SLC22A16: variants seen among roughly 807,000 people sequenced by gnomAD.
The protein encoded by SLC22A16 is solute carrier family 22 member 16.
SLC22A16 carries 53 observed loss-of-function variants against 52.9 expected under a neutral mutation model. That is an observed-to-expected ratio of 1.00 (90% confidence interval 0.80 to 1.26). The LOEUF is 1.26. SLC22A16 is among the 50% of genes most tolerant of loss of function. SLC22A16 has a pLI of 0.00. For synonymous variants in SLC22A16, 291 were observed against 268.8 expected, an observed-to-expected ratio of 1.08 and a Z score of -0.81; for missense variants, 726 against 704.0, an observed-to-expected ratio of 1.03 and a Z score of -0.35.
At chr6:110,433,049 C>T (rs538401799) in intron 6 of SLC22A16, among the ~76,000 whole-genome samples, 25 of 152,232 alleles carry the variant, frequency 1.6e-4, no homozygotes, top group Admixed American at 3.3e-4. Context: ...AGTTCCACAA[C>T]CTGTAAAATG....
At chr6:110,429,358 ACT>A (rs1272333759) in intron 7 of SLC22A16, among the ~76,000 whole-genome samples, 1 of 152,070 alleles carries the variant, frequency 6.6e-6, no homozygotes, top group African/African-American at 2.4e-5. Context: ...CATGGGAGAC[ACT>A]CATGCCAAGC....
At chr6:110,432,634 TG>T (rs1421053735) in intron 6 of SLC22A16, among the ~76,000 whole-genome samples, 1 of 152,222 alleles carries the variant, frequency 6.6e-6, no homozygotes, top group African/African-American at 2.4e-5. Context: ...GCTTCTTCCC[TG>T]GGTCAGCCAC....
At position 110,425,009 on chromosome 6, in the gene SLC22A16, G is replaced by T. The variant is rs768034959; in HGVS notation, c.1598C>A (p.Ala533Glu). Residue 533 changes from alanine (A) to glutamate (E), a missense_variant, in exon 8 of 8, where the codon GCA becomes GAA. Coordinates refer to ENST00000368919, the MANE Select transcript of SLC22A16 (RefSeq NM_033125.4). Reference sequence around the variant, plus strand: ...TTTTGCAGCCTCCTCCCAAGTAGTTGCTAGCCGTTTCCCAAGGGTTTCTGG... The same window carrying T: ...TTTTGCAGCCTCCTCCCAAGTAGTTTCTAGCCGTTTCCCAAGGGTTTCTGG... ...KLPETLGKRL[A>E]TTWEEAAKLE... is the part of the protein sequence containing the mutation. 4 of 1,614,164 alleles carry T rather than the reference G, an allele frequency of 2.5e-6. No homozygotes were observed. The highest frequency in any genetic ancestry group is 1.6e-4 in the Middle Eastern group (1 of 6,062).
chr6:110,454,762 TTATATATATA>T (rs1192372356), intron 2 of SLC22A16, among the ~76,000 whole-genome samples: 1 of 66,010 alleles, frequency 1.5e-5, no homozygotes, highest in Non-Finnish European at 2.5e-5. Flanking sequence ...TTATATACAT[TTATATATATA>T]AATATATATA....
In SLC22A16 at chr6:110,466,101, C is replaced by T. The variant is rs12332822; in HGVS notation, c.54-9084G>A. 8.2e-3 allele frequency among the ~76,000 whole-genome samples: 1,244 copies of T among 152,220 alleles called. 16 individuals are homozygous for T. The highest frequency in any genetic ancestry group is 0.028 in the African/African-American group (1,181 of 41,546). On this transcript the variant is annotated intron_variant, in intron 1 of 7. Coordinates refer to ENST00000368919, the MANE Select transcript of SLC22A16 (RefSeq NM_033125.4). Reference sequence around the variant, plus strand: ...GCTTGCTATATGCAGAAGAATGAAACTGGATCCCTATCTCTCACCATATAC... The same window carrying T: ...GCTTGCTATATGCAGAAGAATGAAATTGGATCCCTATCTCTCACCATATAC...
At chr6:110,475,901 C>T (rs1310214750) in intron 1 of SLC22A16, 1 of 456,644 alleles carries the variant, frequency 2.2e-6, no homozygotes, top group South Asian at 1.5e-5. Context: ...TTGACCCCGC[C>T]AGCTTGTTTC....
At chr6:110,460,454 G>A (rs1333491815) in intron 1 of SLC22A16, among the ~76,000 whole-genome samples, 1 of 152,184 alleles carries the variant, frequency 6.6e-6, no homozygotes, top group Non-Finnish European at 1.5e-5. Flanking sequence ...CCCCTGGGGA[G>A]CCTGGAGTCT....
At chr6:110,474,078 A>C (rs1776373888) in intron 1 of SLC22A16, among the ~76,000 whole-genome samples, 1 of 152,112 alleles carries the variant, frequency 6.6e-6, no homozygotes, top group South Asian at 2.1e-4. Context: ...CGTGAACCCC[A>C]TTGTGAACTG....
intron 7 of SLC22A16, among the ~76,000 whole-genome samples, chr6:110,426,776 C>G (rs1261849535): frequency 6.6e-6 from 1 of 151,460 alleles, no homozygotes; most frequent in Admixed American, 6.6e-5. Flanking sequence ...CATGGTGAAA[C>G]TCTGTCTCTA....
intron 7 of SLC22A16, among the ~76,000 whole-genome samples, chr6:110,430,127 C>T (rs993244627): frequency 9.2e-5 from 14 of 151,772 alleles, no homozygotes; most frequent in African/African-American, 3.1e-4. Flanking sequence ...GGGGATGAAG[C>T]GCAAGGAGAA....
rs923097121 is a variant in SLC22A16, at chr6:110,435,866, A to T, written c.1407T>A (p.Tyr469Ter). Residue 469 changes from tyrosine (Y) to a stop codon, truncating the protein, a stop_gained, in exon 6 of 8, where the codon TAT becomes TAA. Transcript: ENST00000368919. LOFTEE classifies it high-confidence loss of function. ...TTCATCCTTACCTTACAATGGTTGG[A>T]TACAGCTCAGCTGTATAAAGATAAA... The part of the protein sequence containing the change: ...GLIYLYTAEL[Y>*]PTIVRSLAVG... The T allele has an allele frequency of 1.2e-6, 2 of 1,609,454 alleles. No homozygotes were observed. Among genetic ancestry groups the T allele is most frequent in the East Asian group, 4.5e-5 (2 of 44,832 alleles).
At chr6:110,438,303 T>A (rs1774815193) in intron 5 of SLC22A16, among the ~76,000 whole-genome samples, 1 of 152,160 alleles carries the variant, frequency 6.6e-6, no homozygotes, top group South Asian at 2.1e-4. Context: ...TCTCTGGGAA[T>A]TAGGATTATG....
At position 110,456,614 on chromosome 6, in the gene SLC22A16, G is replaced by A; in HGVS notation, c.457C>T (p.Leu153Phe). 1 of 1,614,156 alleles carries A rather than the reference G, an allele frequency of 6.2e-7. No homozygotes were observed. Among genetic ancestry groups the A allele is most frequent in the Non-Finnish European group, 8.5e-7 (1 of 1,180,032 alleles). The change falls in exon 2 of 8, where the codon CTT (leucine) becomes TTT (phenylalanine). Residue 153 changes from leucine (L) to phenylalanine (F), a missense_variant. Coordinates refer to ENST00000368919, the MANE Select transcript of SLC22A16 (RefSeq NM_033125.4). ...QWNLVCDRKW[L>F]AMLIQPLFMF... ...AATAGGGGCTGGATCAGCATTGCAA[G>A]CCATTTTCGGTCACAGACCAGGTTC...
chr6:110,444,580 CAT>C (rs1464245825), intron 3 of SLC22A16, among the ~76,000 whole-genome samples: 1 of 152,278 alleles, frequency 6.6e-6, no homozygotes, highest in Non-Finnish European at 1.5e-5. Context: ...TTTTTGTAAA[CAT>C]GTGTCCCTTG....
chr6:110,468,205 A>G (rs1482260868), intron 1 of SLC22A16, among the ~76,000 whole-genome samples: 2 of 152,238 alleles, frequency 1.3e-5, no homozygotes, highest in African/African-American at 4.8e-5. Flanking sequence ...CTCCAGGATG[A>G]GAAAGAACAC....
chr6:110,439,706 C>G (rs945447999), intron 4 of SLC22A16, among the ~76,000 whole-genome samples: 3 of 152,108 alleles, frequency 2.0e-5, no homozygotes, highest in African/African-American at 7.2e-5. Flanking sequence ...GCAGCCTACA[C>G]AGCAATAAGC....
rs1160705258 is a variant in SLC22A16 at position 110,456,645 on chromosome 6, G to T, written c.426C>A (p.Thr142=). The change falls in exon 2 of 8, where the codon ACC becomes ACA. Residue 142 remains threonine, a synonymous_variant. Transcript: ENST00000368919. The stretch of plus-strand genomic sequence containing the variant: ...TTCGGTCACAGACCAGGTTCCACTG[G>T]GTCACCGCAGTGCTTTTCCATGTGT... The part of the protein sequence containing the change: ...DQNTWKSTAV[T]QWNLVCDRKW... The T allele has an allele frequency of 6.2e-7, 1 of 1,614,160 alleles. No homozygotes were observed. The highest frequency in any genetic ancestry group is 2.2e-5 in the East Asian group (1 of 44,882).
chr6:110,449,110 CA>C lies in SLC22A16; in HGVS notation c.534-2121del. 2.0e-5 allele frequency among the ~76,000 whole-genome samples: 3 copies of C among 152,198 alleles called. No individual in the cohort carries two copies. In the South Asian group the frequency reaches 6.2e-4, roughly 32 times the overall value. Reference sequence around the variant, plus strand: ...ACATGTTTCCTCAGCCAATGATGACCAGGTGCAACCAACTTTTCTGAGCTCA... The same window carrying C: ...ACATGTTTCCTCAGCCAATGATGACCGGTGCAACCAACTTTTCTGAGCTCA... On this transcript the variant is annotated intron_variant, in intron 2 of 7. Coordinates refer to ENST00000368919, the MANE Select transcript of SLC22A16 (RefSeq NM_033125.4).
chr6:110,431,897 T>A (rs1398328147), intron 6 of SLC22A16, among the ~76,000 whole-genome samples: 1 of 152,188 alleles, frequency 6.6e-6, no homozygotes, highest in Non-Finnish European at 1.5e-5. Flanking sequence ...TGTGTACTGA[T>A]CCAGCCTAAC....
Sources: allele counts gnomAD v4.1 joint callset (sites outside exome capture counted in the v4.1 genomes callset), GRCh38; gene constraint gnomAD v4.1.1; transcripts MANE v1.5; gene names NCBI Gene and HGNC (gene_info 2026-07-23, HGNC 2026-07-21).